BRIP1: variants seen among roughly 807,000 people sequenced by gnomAD.
The protein encoded by BRIP1 is Fanconi anemia group J protein.
In BRIP1, 88 loss-of-function variants were observed where a neutral mutation model predicts 119.7. The ratio of observed to expected loss-of-function variants is 0.74; its 90% CI spans 0.62 to 0.88. The LOEUF (loss-of-function observed/expected upper bound fraction) is 0.88. Ranked by LOEUF, BRIP1 falls within the 40% of genes least tolerant of loss-of-function variation. The pLI, the probability that BRIP1 is intolerant of heterozygous loss-of-function variation, is 0.00. For missense variants in BRIP1, 1,259 were observed against 1,455.4 expected (o/e 0.87, Z 2.20); for synonymous variants, 443 against 496.5 (o/e 0.89, Z 1.43).
At position 61,691,796 on chromosome 17, in the gene BRIP1, C is replaced by T. The variant is rs1442342637; in HGVS notation, c.2575+1634G>A. Among the ~76,000 whole-genome samples, 2 of 152,028 alleles carry T rather than the reference C, an allele frequency of 1.3e-5. No individual in the cohort carries two copies. The highest frequency in any genetic ancestry group is 1.5e-5 in the Non-Finnish European group (1 of 68,010). On this transcript the variant is annotated intron_variant, in intron 18 of 19. Coordinates refer to ENST00000259008, the MANE Select transcript of BRIP1 (RefSeq NM_032043.3). The surrounding 1 kb of genome is among the most constrained non-coding windows in gnomAD (Gnocchi z 5.0). Reference sequence around the variant, plus strand: ...GGAACCACAAAGGACCACAAATAGGCAAAAGAACCTTGAGAAAAATGATAA... The same window carrying T: ...GGAACCACAAAGGACCACAAATAGGTAAAAGAACCTTGAGAAAAATGATAA...
At chr17:61,721,267 CTTTTTTT>C (rs11326516) in intron 16 of BRIP1, among the ~76,000 whole-genome samples, 1 of 114,186 alleles carries the variant, frequency 8.8e-6, no homozygotes. Flanking sequence ...AAAATCTAAG[CTTTTTTT>C]TTTTTTTTTT....
chr17:61,786,206 G>A (rs770292024), intron 10 of BRIP1, among the ~76,000 whole-genome samples: 5 of 151,950 alleles, frequency 3.3e-5, no homozygotes, highest in Non-Finnish European at 5.9e-5. Flanking sequence ...GCGTGTGTGT[G>A]TGTGTGTGAC....
chr17:61,733,861 A>G (rs1156574850), intron 16 of BRIP1, among the ~76,000 whole-genome samples: 13 of 68,264 alleles, frequency 1.9e-4, no homozygotes. Context: ...TATTTTAATC[A>G]TTGTAAGGGC....
At chr17:61,707,096 G>A (rs1265961817) in intron 17 of BRIP1, among the ~76,000 whole-genome samples, 1 of 151,998 alleles carries the variant, frequency 6.6e-6, no homozygotes, top group African/African-American at 2.4e-5. Context: ...TCCATTTGAA[G>A]CAAATGTTTT....
intron 6 of BRIP1, among the ~76,000 whole-genome samples, chr17:61,839,398 G>GT (rs950615407): frequency 8.0e-5 from 12 of 150,526 alleles, no homozygotes; most frequent in Middle Eastern, 3.5e-3. Context: ...GTATTTTTGG[G>GT]TTTTTTTTTC....
chr17:61,762,028 TTAAAACAGCA>T lies in BRIP1; in HGVS notation c.2097+14363_2097+14372del, dbSNP rs113678745. On this transcript the variant is annotated intron_variant, in intron 14 of 19. Coordinates refer to ENST00000259008, the MANE Select transcript of BRIP1 (RefSeq NM_032043.3). The surrounding 1 kb of genome is among the most constrained non-coding windows in gnomAD (Gnocchi z 4.3). ...AAACCACACTGCAAAGCTATAGTAA[TTAAAACAGCA>T]TGGTATTGGCATAAAAAACAGCCAC... 1.6e-4 allele frequency among the ~76,000 whole-genome samples: 24 copies of T among 151,970 alleles called. No individual in the cohort carries two copies. Among genetic ancestry groups the T allele is most frequent in the African/African-American group, 5.1e-4 (21 of 41,484 alleles).
rs1020523782 is a variant in BRIP1, at chr17:61,807,289, A to T, written c.918+1178T>A. Among the ~76,000 whole-genome samples the T allele has an allele frequency of 1.5e-4, 23 of 152,310 alleles. No homozygotes were observed. Among genetic ancestry groups the T allele is most frequent in the African/African-American group, 4.8e-4 (20 of 41,574 alleles). ...AGTTTTTTAATATACAGAGTAAAGG[A>T]ATTTCACAATTCCTCAGTTAGTTAG... is the stretch of plus-strand genomic sequence containing the variant. On this transcript the variant is annotated intron_variant, in intron 7 of 19. Coordinates refer to ENST00000259008, the MANE Select transcript of BRIP1 (RefSeq NM_032043.3). The surrounding 1 kb of genome is among the most constrained non-coding windows in gnomAD (Gnocchi z 4.5).
At position 61,793,527 on chromosome 17, in the gene BRIP1, C is replaced by A. The variant is rs1414927475; in HGVS notation, c.1473+70G>T. ...TTCTGGGTTACTCACTAGATTTAAT[C>A]TGGATTTAGTCACGACTAAATCACT... On this transcript the variant is annotated intron_variant, in intron 10 of 19. Transcript: ENST00000259008. This position sits in a 1 kb window ranked among gnomAD's most constrained non-coding sequence, Gnocchi z 5.2. 7 of 1,447,464 alleles carry A rather than the reference C, an allele frequency of 4.8e-6. No homozygotes were observed. The highest frequency in any genetic ancestry group is 6.6e-6 in the Non-Finnish European group (7 of 1,054,992). 89.7% of individuals were successfully genotyped at this position (1,447,464 alleles called of 1,614,324 possible). A position where few individuals can be genotyped will look rare whatever the true frequency, so the allele number is the denominator to read the frequency against.
chr17:61,682,600 GA>G lies in BRIP1; in HGVS notation c.*695del, dbSNP rs1006280743. On this transcript the variant is annotated 3_prime_UTR_variant, in exon 20 of 20. Transcript: ENST00000259008. This position sits in a 1 kb window ranked among gnomAD's most constrained non-coding sequence, Gnocchi z 4.9. The stretch of plus-strand genomic sequence containing the variant: ...CCTTTCAAGACAAATGGTGATCTCT[GA>G]AAAAGTCTTGGACTGATTTGAGGTA... 5.1e-6 allele frequency: 1 copy of G among 196,578 alleles called. No individual in the cohort carries two copies. Among genetic ancestry groups the G allele is most frequent in the East Asian group, 8.0e-5 (1 of 12,434 alleles). 12.2% of individuals were successfully genotyped at this position (196,578 alleles called of 1,614,324 possible).
At chr17:61,721,516 G>A (rs1405497514) in intron 16 of BRIP1, among the ~76,000 whole-genome samples, 11 of 151,412 alleles carry the variant, frequency 7.3e-5, no homozygotes, top group Admixed American at 1.3e-4. Context: ...TGATCCACCC[G>A]CCTCGGCCTC....
intron 6 of BRIP1, among the ~76,000 whole-genome samples, chr17:61,820,553 C>T (rs1001098769): frequency 6.6e-5 from 10 of 152,128 alleles, no homozygotes; most frequent in Non-Finnish European, 1.5e-4. Flanking sequence ...TATCACAGTC[C>T]CTGCCACTTA....
intron 3 of BRIP1, among the ~76,000 whole-genome samples, chr17:61,859,147 T>C (rs988178542): frequency 2.0e-5 from 3 of 151,894 alleles, no homozygotes; most frequent in Non-Finnish European, 4.4e-5. Flanking sequence ...TTTAAACAAG[T>C]AGAAAGATCA....
chr17:61,758,512 A>G lies in BRIP1; in HGVS notation c.2098-13921T>C, dbSNP rs2077230360. On this transcript the variant is annotated intron_variant, in intron 14 of 19. Transcript: ENST00000259008. This position sits in a 1 kb window ranked among gnomAD's most constrained non-coding sequence, Gnocchi z 5.3. Reference sequence around the variant, plus strand: ...AAAACTTGAAAGAAATTTTTTGGAGAAAGCATCGCTTCACAATCTAGTGAA... The same window carrying G: ...AAAACTTGAAAGAAATTTTTTGGAGGAAGCATCGCTTCACAATCTAGTGAA... Among the ~76,000 whole-genome samples the G allele has an allele frequency of 6.6e-6, 1 of 152,228 alleles. No homozygotes were observed. Among genetic ancestry groups the G allele is most frequent in the Non-Finnish European group, 1.5e-5 (1 of 68,044 alleles).
chr17:61,836,130 T>G (rs1260996680), intron 6 of BRIP1, among the ~76,000 whole-genome samples: 3 of 46,780 alleles, frequency 6.4e-5, no homozygotes, highest in Admixed American at 3.9e-4. Context: ...TTTTTTTTTT[T>G]GAGACAGGTT....
At chr17:61,712,796 T>G (rs60115548) in intron 17 of BRIP1, among the ~76,000 whole-genome samples, 1 of 151,456 alleles carries the variant, frequency 6.6e-6, no homozygotes, top group Admixed American at 6.6e-5. Flanking sequence ...GCCAGCTACT[T>G]GGGAGGCTGA....
rs1463364845 is a variant in BRIP1 at position 61,753,181 on chromosome 17, G to A, written c.2098-8590C>T. The stretch of plus-strand genomic sequence containing the variant: ...GAGCCACCCTGGGACTCAGCAGAGA[G>A]TTCCCACCAGCAAGAAGGCCCGCAC... On this transcript the variant is annotated intron_variant, in intron 14 of 19. Coordinates refer to ENST00000259008, the MANE Select transcript of BRIP1 (RefSeq NM_032043.3). The surrounding 1 kb of genome is among the most constrained non-coding windows in gnomAD (Gnocchi z 4.6). Among the ~76,000 whole-genome samples, 1 of 152,202 alleles carries A rather than the reference G, an allele frequency of 6.6e-6. No homozygotes were observed. The highest frequency in any genetic ancestry group is 1.5e-5 in the Non-Finnish European group (1 of 68,036).
chr17:61,743,555 A>C lies in BRIP1; in HGVS notation c.2258-421T>G, dbSNP rs1390705359. On this transcript the variant is annotated intron_variant, in intron 15 of 19. Transcript: ENST00000259008. The surrounding 1 kb of genome is among the most constrained non-coding windows in gnomAD (Gnocchi z 4.3). ...TATCATATGGAATCAATATATTTAA[A>C]AGTATTGAAAACAGACACAGAGAAC... 6.6e-6 allele frequency among the ~76,000 whole-genome samples: 1 copy of C among 152,224 alleles called. No individual in the cohort carries two copies. Among genetic ancestry groups the C allele is most frequent in the Non-Finnish European group, 1.5e-5 (1 of 68,034 alleles).
intron 17 of BRIP1, among the ~76,000 whole-genome samples, chr17:61,697,011 G>T (rs1187763807): frequency 6.8e-6 from 1 of 146,380 alleles, no homozygotes; most frequent in Non-Finnish European, 1.5e-5. Context: ...AAAGGGGGGG[G>T]GAAGTGTTTT....
At chr17:61,750,928 T>G (rs2077123629) in intron 14 of BRIP1, among the ~76,000 whole-genome samples, 1 of 152,192 alleles carries the variant, frequency 6.6e-6, no homozygotes, top group Admixed American at 6.5e-5. Context: ...TGGCAGTTCC[T>G]CAAAAGTTCA....
Sources: gnomAD v4.1 joint callset for allele counts (sites outside exome capture counted in the v4.1 genomes callset) on GRCh38, gnomAD v4.1.1 for gene constraint, Gnocchi (gnomAD v3.1) non-coding constraint, MANE v1.5 for transcripts, NCBI Gene and HGNC (gene_info 2026-07-23, HGNC 2026-07-21) for gene names.